Variants in KCNQ3 observed in about 807,000 individuals in gnomAD.
KCNQ3 encodes potassium voltage-gated channel subfamily Q member 3, also known as potassium voltage-gated channel subfamily KQT member 3.
In KCNQ3, 30 loss-of-function variants were observed where a neutral mutation model predicts 92.5. The ratio of observed to expected loss-of-function variants is 0.32; its 90% CI spans 0.24 to 0.44. The LOEUF is 0.44. Among genes scored for constraint, KCNQ3 ranks in the 20% least tolerant of loss-of-function variants. The probability of loss-of-function intolerance (pLI) is 1.00; values close to 1 mark genes in which losing one functional copy is unlikely to be tolerated. For missense variants in KCNQ3, 913 were observed against 1,140.3 expected, an observed-to-expected ratio of 0.80 and a Z score of 2.87; for synonymous variants, 450 against 468.8, an observed-to-expected ratio of 0.96 and a Z score of 0.52.
chr8:132,197,863 C>T (rs1279044808), intron 1 of KCNQ3, among the ~76,000 whole-genome samples: 2 of 152,178 alleles, frequency 1.3e-5, no homozygotes, highest in Admixed American at 6.5e-5. Flanking sequence ...CTTCATGTTG[C>T]AAGTACCTGC....
At chr8:132,211,257 A>T (rs1043581967) in intron 1 of KCNQ3, among the ~76,000 whole-genome samples, 1 of 152,238 alleles carries the variant, frequency 6.6e-6, no homozygotes, top group African/African-American at 2.4e-5. Context: ...ATGTGAGAAA[A>T]AATTGTGCTT....
intron 1 of KCNQ3, among the ~76,000 whole-genome samples, chr8:132,401,382 C>CT (rs34392139): frequency 0.01 from 1,541 of 148,228 alleles, 26 homozygotes; most frequent in South Asian, 0.032. Context: ...GAATAGAACA[C>CT]TTTTTTTTTT....
chr8:132,438,629 C>G (rs1328904033), intron 1 of KCNQ3, among the ~76,000 whole-genome samples: 6 of 151,930 alleles, frequency 3.9e-5, no homozygotes, highest in African/African-American at 1.5e-4. Flanking sequence ...TGGTGGTCAG[C>G]TGCTAGGAGA....
chr8:132,313,995 G>T (rs1258760177), intron 1 of KCNQ3, among the ~76,000 whole-genome samples: 8 of 152,080 alleles, frequency 5.3e-5, no homozygotes, highest in Non-Finnish European at 1.2e-4. Context: ...GGATAATTTT[G>T]CTCAGAATAA....
chr8:132,357,372 C>A (rs1414694847), intron 1 of KCNQ3, among the ~76,000 whole-genome samples: 2 of 152,200 alleles, frequency 1.3e-5, no homozygotes, highest in South Asian at 2.1e-4. Context: ...GGGCTCGATT[C>A]TCCTGAGACC....
chr8:132,122,418 A>G lies in KCNQ3; in HGVS notation c.*6844T>C, dbSNP rs936428634. On this transcript the variant is annotated 3_prime_UTR_variant, in exon 15 of 15. Coordinates refer to ENST00000388996, the MANE Select transcript of KCNQ3 (RefSeq NM_004519.4). ...ATTTTTTATTACTCTTAGGTATCAA[A>G]TTGCAGTCCATTCGACAAGTCTAAG... The G allele has an allele frequency of 6.6e-6, 1 of 152,192 alleles. No individual in the cohort carries two copies. The highest frequency in any genetic ancestry group is 1.5e-5 in the Non-Finnish European group (1 of 68,038). The allele number at this position is 152,192 out of a possible 1,614,324, so 9.4% of individuals were successfully genotyped here. A position where few individuals can be genotyped will look rare whatever the true frequency, so the allele number is the denominator to read the frequency against.
chr8:132,153,761 G>A (rs1486976088), intron 9 of KCNQ3, among the ~76,000 whole-genome samples: 1 of 151,834 alleles, frequency 6.6e-6, no homozygotes, highest in Non-Finnish European at 1.5e-5. Flanking sequence ...ATGGGTGAAA[G>A]CCTCTTTAAC....
At chr8:132,391,480 G>A (rs1416968488) in intron 1 of KCNQ3, among the ~76,000 whole-genome samples, 2 of 151,958 alleles carry the variant, frequency 1.3e-5, no homozygotes, top group Non-Finnish European at 2.9e-5. Flanking sequence ...TTACGCCTCT[G>A]CACCCAGCAG....
At chr8:132,314,212 C>T (rs1446468364) in intron 1 of KCNQ3, among the ~76,000 whole-genome samples, 8 of 152,034 alleles carry the variant, frequency 5.3e-5, no homozygotes, top group Admixed American at 5.2e-4. Context: ...AATGTAAACA[C>T]TTAGGAAAGA....
Position 132,170,402 on chromosome 8 carries a change from G to T in KCNQ3, c.1167C>A (p.Asn389Lys). ...TCGCCACCAGGTCAATCCTGTTGGG[G>T]TTGGTAGCATAATACCTCCAGGCAG... is the stretch of plus-strand genomic sequence containing the variant. ...IQAAWRYYAT[N>K]PNRIDLVATW... Residue 389 changes from asparagine to lysine, a missense_variant, in exon 8 of 15, where the codon AAC (asparagine) becomes AAA (lysine). Transcript: ENST00000388996. 1 of 1,613,838 alleles carries T rather than the reference G, an allele frequency of 6.2e-7. No homozygotes were observed. The highest frequency in any genetic ancestry group is 8.5e-7 in the Non-Finnish European group (1 of 1,179,926).
chr8:132,432,391 A>T (rs576715770), intron 1 of KCNQ3, among the ~76,000 whole-genome samples: 21 of 152,062 alleles, frequency 1.4e-4, no homozygotes, highest in Admixed American at 2.6e-4. Flanking sequence ...CAAAACTATG[A>T]TCTGTCAAAA....
In KCNQ3 at chr8:132,140,082, G is replaced by C. The variant is rs1057518505; in HGVS notation, c.1562C>G (p.Ala521Gly). 6.3e-7 allele frequency: 1 copy of C among 1,593,968 alleles called. No individual in the cohort carries two copies. The highest frequency in any genetic ancestry group is 1.3e-5 in the African/African-American group (1 of 74,638). The change falls in exon 11 of 15, where the codon GCC (alanine) becomes GGC (glycine). Residue 521 changes from alanine to glycine, a missense_variant. Transcript: ENST00000388996. ...GGGACCGTGGGGGCATTACCTGACG[G>C]CTCGGATGGCGGCCTTCAGGGTGGG... ...MIPTLKAAIR[A>G]VRILQFRLYK...
At chr8:132,146,031 G>C (rs1825437618) in intron 9 of KCNQ3, among the ~76,000 whole-genome samples, 2 of 152,348 alleles carry the variant, frequency 1.3e-5, no homozygotes, top group South Asian at 4.1e-4. Context: ...CACCAGATGA[G>C]ATCAGAGTCC....
At chr8:132,256,317 A>T (rs1176320876) in intron 1 of KCNQ3, among the ~76,000 whole-genome samples, 1 of 152,162 alleles carries the variant, frequency 6.6e-6, no homozygotes, top group South Asian at 2.1e-4. Flanking sequence ...AGGAATAAAA[A>T]GAAAAAAAGA....
chr8:132,356,847 CA>C (rs1819031865), intron 1 of KCNQ3, among the ~76,000 whole-genome samples: 1 of 151,870 alleles, frequency 6.6e-6, no homozygotes. Flanking sequence ...ATCAAAGAGA[CA>C]AAAAACAGAG....
chr8:132,427,139 G>A (rs1051871426), intron 1 of KCNQ3, among the ~76,000 whole-genome samples: 1 of 152,212 alleles, frequency 6.6e-6, no homozygotes, highest in African/African-American at 2.4e-5. Flanking sequence ...AGCAGGTCAT[G>A]ATTGATTAGT....
intron 7 of KCNQ3, among the ~76,000 whole-genome samples, chr8:132,171,730 G>T (rs532626573): frequency 1.4e-4 from 21 of 152,250 alleles, no homozygotes; most frequent in African/African-American, 4.8e-4. Flanking sequence ...TAGCTGATTG[G>T]CTAAGTACCT....
At chr8:132,367,302 C>G (rs1221628873) in intron 1 of KCNQ3, among the ~76,000 whole-genome samples, 1 of 152,110 alleles carries the variant, frequency 6.6e-6, no homozygotes. Flanking sequence ...TTTTGTTTAT[C>G]CCAGAGAAGT....
intron 1 of KCNQ3, among the ~76,000 whole-genome samples, chr8:132,295,710 G>T (rs148398825): frequency 1.1e-4 from 17 of 152,238 alleles, no homozygotes; most frequent in African/African-American, 3.9e-4. Context: ...GCCATGAAAA[G>T]GAACAAGATC....
Sources: allele counts gnomAD v4.1 joint callset (sites outside exome capture counted in the v4.1 genomes callset), GRCh38; gene constraint gnomAD v4.1.1; transcripts MANE v1.5; gene names NCBI Gene and HGNC (gene_info 2026-07-23, HGNC 2026-07-21).